ZNF385D: variants seen among roughly 807,000 people sequenced by gnomAD.
ZNF385D encodes the protein zinc finger protein 385D, also known as zinc finger protein 659.
ZNF385D carries 15 observed loss-of-function variants against 35.8 expected under a neutral mutation model. That is an observed-to-expected ratio of 0.42 (90% confidence interval 0.28 to 0.64). The LOEUF (loss-of-function observed/expected upper bound fraction) is 0.64, where lower values mean the gene tolerates loss of function less well. Among genes scored for constraint, ZNF385D ranks in the 30% least tolerant of loss-of-function variants. The pLI is 0.23. For synonymous variants in ZNF385D, 212 were observed against 186.8 expected, an observed-to-expected ratio of 1.13 and a Z score of -1.10; for missense variants, 474 against 494.6, an observed-to-expected ratio of 0.96 and a Z score of 0.39.
At chr3:22,105,632 C>T (rs1164342463) in intron 3 of ZNF385D, among the ~76,000 whole-genome samples, 1 of 151,894 alleles carries the variant, frequency 6.6e-6, no homozygotes, top group East Asian at 2.0e-4. Flanking sequence ...ACCAGGACCA[C>T]CAAGGGCAAG....
chr3:21,801,334 C>T (rs2072389749), intron 3 of ZNF385D, among the ~76,000 whole-genome samples: 1 of 152,032 alleles, frequency 6.6e-6, no homozygotes, highest in Admixed American at 6.6e-5. Context: ...ATACTGGACC[C>T]ATAGAATGAG....
intron 3 of ZNF385D, among the ~76,000 whole-genome samples, chr3:22,098,620 C>A (rs1355244526): frequency 6.6e-6 from 1 of 152,032 alleles, no homozygotes; most frequent in Non-Finnish European, 1.5e-5. Flanking sequence ...AAGTTCCCAT[C>A]TGGGAAGGAG....
chr3:21,814,251 A>G (rs2073054420), intron 3 of ZNF385D, among the ~76,000 whole-genome samples: 1 of 152,222 alleles, frequency 6.6e-6, no homozygotes, highest in African/African-American at 2.4e-5. Context: ...AAATATGCCA[A>G]ATTGTAAAGA....
At chr3:22,166,517 G>A (rs1036978946) in intron 3 of ZNF385D, among the ~76,000 whole-genome samples, 3 of 152,132 alleles carry the variant, frequency 2.0e-5, no homozygotes, top group African/African-American at 7.2e-5. Context: ...CTTCAGCATA[G>A]TATTAACTGA....
intron 2 of ZNF385D, among the ~76,000 whole-genome samples, chr3:22,172,741 C>T (rs1027014747): frequency 2.6e-5 from 4 of 152,066 alleles, no homozygotes; most frequent in African/African-American, 9.7e-5. Flanking sequence ...GGATTAATAC[C>T]TAAAGTATAA....
intron 1 of ZNF385D, among the ~76,000 whole-genome samples, chr3:21,699,355 G>A (rs2067590022): frequency 1.3e-5 from 2 of 152,080 alleles, no homozygotes; most frequent in African/African-American, 4.8e-5. Context: ...AGGGGCTAGG[G>A]GAGGGATAGC....
intron 2 of ZNF385D, among the ~76,000 whole-genome samples, chr3:21,637,355 G>A (rs752591634): frequency 1.3e-5 from 2 of 151,954 alleles, no homozygotes; most frequent in Non-Finnish European, 2.9e-5. Context: ...TGTTGAAAAG[G>A]GTGTCCTTTC....
At chr3:22,222,874 T>A (rs1277974423) in intron 2 of ZNF385D, among the ~76,000 whole-genome samples, 1 of 152,170 alleles carries the variant, frequency 6.6e-6, no homozygotes, top group Non-Finnish European at 1.5e-5. Flanking sequence ...ATAAAAATCT[T>A]GAAACTCGAA....
At chr3:21,924,192 T>C (rs1300847020) in intron 3 of ZNF385D, among the ~76,000 whole-genome samples, 2 of 152,180 alleles carry the variant, frequency 1.3e-5, no homozygotes, top group South Asian at 2.1e-4. Flanking sequence ...TCCCTATTTC[T>C]ACCACTAAAT....
intron 3 of ZNF385D, among the ~76,000 whole-genome samples, chr3:21,862,578 A>G (rs1453035660): frequency 2.6e-5 from 4 of 152,134 alleles, no homozygotes; most frequent in African/African-American, 7.2e-5. Context: ...GCTTCTTTTC[A>G]TATTGCCATT....
chr3:22,296,956 T>G (rs2125405970), intron 2 of ZNF385D, among the ~76,000 whole-genome samples: 1 of 152,194 alleles, frequency 6.6e-6, no homozygotes, highest in East Asian at 1.9e-4. Flanking sequence ...TCATCTACCC[T>G]TGGAAATAGT....
At chr3:21,960,212 A>G (rs1289120967) in intron 3 of ZNF385D, among the ~76,000 whole-genome samples, 1 of 151,830 alleles carries the variant, frequency 6.6e-6, no homozygotes, top group Non-Finnish European at 1.5e-5. Context: ...ATACACACAC[A>G]CACCCTCCCC....
chr3:21,860,493 C>A (rs78494850), intron 3 of ZNF385D, among the ~76,000 whole-genome samples: 1 of 57,136 alleles, frequency 1.8e-5, no homozygotes, highest in Admixed American at 1.4e-4. Context: ...ATTATTAATA[C>A]TTGGCCTCTT....
chr3:22,156,673 G>A (rs905202318), intron 3 of ZNF385D, among the ~76,000 whole-genome samples: 1 of 152,118 alleles, frequency 6.6e-6, no homozygotes, highest in East Asian at 1.9e-4. Context: ...ACTGAGGTAT[G>A]TAAACTGAGC....
At chr3:21,874,983 G>T (rs1346420076) in intron 3 of ZNF385D, among the ~76,000 whole-genome samples, 1 of 123,848 alleles carries the variant, frequency 8.1e-6, no homozygotes, top group Non-Finnish European at 1.8e-5. Flanking sequence ...TTATTATTTT[G>T]ATGCCTTTTT....
intron 2 of ZNF385D, among the ~76,000 whole-genome samples, chr3:22,280,319 T>C (rs1701670419): frequency 6.6e-6 from 1 of 152,096 alleles, no homozygotes; most frequent in Admixed American, 6.6e-5. Flanking sequence ...GCCTTTGCTT[T>C]TGGGTTCTTG....
At chr3:21,723,576 A>G (rs1029996784) in intron 1 of ZNF385D, among the ~76,000 whole-genome samples, 3 of 152,178 alleles carry the variant, frequency 2.0e-5, no homozygotes, top group Non-Finnish European at 4.4e-5. Flanking sequence ...CGATTTAATG[A>G]AATAAAGAAG....
In ZNF385D at chr3:22,266,702, A is replaced by G. The variant is rs190462467; in HGVS notation, c.107-97667T>C. 4.6e-5 allele frequency among the ~76,000 whole-genome samples: 7 copies of G among 152,020 alleles called. No homozygotes were observed. The East Asian group carries it at 1.4e-3, about 30-fold the overall frequency. On this transcript the variant is annotated intron_variant, in intron 2 of 5. Transcript: ENST00000494108. ...AAAGGTATTCTTTTCACAGCTTGCT[A>G]TATATTTATATTTCATGTCCCAAAG...
intron 2 of ZNF385D, among the ~76,000 whole-genome samples, chr3:22,195,861 T>C (rs1299582684): frequency 1.3e-5 from 2 of 152,058 alleles, no homozygotes; most frequent in East Asian, 1.9e-4. Flanking sequence ...AACAAGATCA[T>C]GTTCTTTGCA....
Sources: allele counts gnomAD v4.1 joint callset (sites outside exome capture counted in the v4.1 genomes callset), GRCh38; gene constraint gnomAD v4.1.1; transcripts MANE v1.5; gene names NCBI Gene and HGNC (gene_info 2026-07-23, HGNC 2026-07-21).